MMAA: variants seen among roughly 807,000 people sequenced by gnomAD.
MMAA encodes the protein metabolism of cobalamin associated A.
MMAA carries 41 observed loss-of-function variants against 45.0 expected under a neutral mutation model. That is an observed-to-expected ratio of 0.91 (90% CI 0.71 to 1.18). The LOEUF (loss-of-function observed/expected upper bound fraction) is 1.18. MMAA is among the 50% of genes most tolerant of loss of function. The pLI, the probability that MMAA is intolerant of heterozygous loss-of-function variation, is 0.00. For missense variants in MMAA, 460 were observed against 495.7 expected (o/e 0.93, Z 0.68); for synonymous variants, 154 against 178.2 (o/e 0.86, Z 1.08).
intron 4 of MMAA, among the ~76,000 whole-genome samples, chr4:145,648,588 G>A (rs933117666): frequency 6.6e-6 from 1 of 152,198 alleles, no homozygotes; most frequent in Non-Finnish European, 1.5e-5. Context: ...CAAAGGAGAA[G>A]AGCACCTTAA....
intron 4 of MMAA, chr4:145,650,395 A>G (rs1365515927): frequency 6.5e-6 from 1 of 153,292 alleles, no homozygotes; most frequent in African/African-American, 2.4e-5. Context: ...GAGAGGGAGA[A>G]GCCTAGGAAG....
At position 145,654,049 on chromosome 4, in the gene MMAA, A is replaced by T. The variant is rs1553959025; in HGVS notation, c.875A>T (p.Asp292Val). The change falls in exon 6 of 7, where the codon GAT becomes GTT. Residue 292 changes from aspartate (D) to valine (V), a missense_variant. Coordinates refer to ENST00000649156, the MANE Select transcript of MMAA (RefSeq NM_172250.3). ...MADLVAVTKS[D>V]GDLIVPARRI... is the part of the protein sequence containing the mutation. ...GATCTGGTAGCTGTAACTAAATCTG[A>T]TGGAGACTTGATTGTGCCAGCTCGA... 2 of 1,614,138 alleles carry T rather than the reference A, an allele frequency of 1.2e-6. No individual in the cohort carries two copies. The highest frequency in any genetic ancestry group is 1.7e-6 in the Non-Finnish European group (2 of 1,180,002).
intron 2 of MMAA, 42 bp downstream of exon 2, chr4:145,639,620 A>C (rs1727727573): frequency 6.3e-7 from 1 of 1,581,650 alleles, no homozygotes; most frequent in Admixed American, 1.8e-5. Flanking sequence ...TATTTTTACA[A>C]ATTCTCTGTA....
intron 1 of MMAA, among the ~76,000 whole-genome samples, chr4:145,634,040 A>G (rs1727541195): frequency 6.6e-6 from 1 of 152,224 alleles, no homozygotes; most frequent in Admixed American, 6.5e-5. Flanking sequence ...GGGTTTCACC[A>G]AAGGCCCACT....
At chr4:145,630,635 G>A (rs1241186928) in intron 1 of MMAA, among the ~76,000 whole-genome samples, 2 of 152,178 alleles carry the variant, frequency 1.3e-5, no homozygotes, top group Non-Finnish European at 2.9e-5. Context: ...GGCTGAGGCA[G>A]GAGAATCGCT....
chr4:145,635,315 G>T (rs1285862736), intron 1 of MMAA, among the ~76,000 whole-genome samples: 1 of 152,140 alleles, frequency 6.6e-6, no homozygotes, highest in Non-Finnish European at 1.5e-5. Context: ...TCTGTGTGTG[G>T]TGCCAGCTGA....
intron 3 of MMAA, chr4:145,642,959 C>T (rs1380568780): frequency 9.5e-6 from 2 of 210,468 alleles, no homozygotes; most frequent in Non-Finnish European, 1.9e-5. Flanking sequence ...TTCAGTTAAA[C>T]AGAAAGCTCT....
intron 1 of MMAA, among the ~76,000 whole-genome samples, chr4:145,638,395 C>T (rs1426720004): frequency 2.6e-5 from 4 of 152,152 alleles, no homozygotes; most frequent in African/African-American, 9.7e-5. Context: ...TATCTAATTT[C>T]GTAGTGGTTC....
chr4:145,643,684 T>C (rs1400291980), intron 3 of MMAA, among the ~76,000 whole-genome samples: 2 of 152,198 alleles, frequency 1.3e-5, no homozygotes, highest in Admixed American at 1.3e-4. Context: ...CATGTCAATA[T>C]GTTGTCTCAT....
chr4:145,645,212 T>C (rs937335593), intron 3 of MMAA, among the ~76,000 whole-genome samples: 2 of 152,060 alleles, frequency 1.3e-5, no homozygotes, highest in African/African-American at 4.8e-5. Context: ...CTCATGGAGA[T>C]AATAGAAAGG....
chr4:145,640,742 G>A (rs377208900), intron 2 of MMAA, among the ~76,000 whole-genome samples: 7 of 152,134 alleles, frequency 4.6e-5, no homozygotes, highest in African/African-American at 1.4e-4. Flanking sequence ...ATTTGACTTG[G>A]TTCTGAAATT....
intron 5 of MMAA, among the ~76,000 whole-genome samples, chr4:145,652,513 G>A (rs1397796506): frequency 6.6e-6 from 1 of 152,070 alleles, no homozygotes; most frequent in Non-Finnish European, 1.5e-5. Context: ...CGGATCACGA[G>A]GTCAGGAGAT....
At chr4:145,635,676 C>T (rs1179575290) in intron 1 of MMAA, among the ~76,000 whole-genome samples, 1 of 152,152 alleles carries the variant, frequency 6.6e-6, no homozygotes, top group Non-Finnish European at 1.5e-5. Context: ...TTAAATAGTT[C>T]TAATTTGCTC....
chr4:145,626,165 C>A, intron 1 of MMAA: 1 of 478,070 alleles, frequency 2.1e-6, no homozygotes, highest in East Asian at 3.1e-5. Context: ...TCTTTGATTT[C>A]TTCCCATGAG....
At chr4:145,638,563 C>T (rs1465372780) in intron 1 of MMAA, among the ~76,000 whole-genome samples, 1 of 152,202 alleles carries the variant, frequency 6.6e-6, no homozygotes, top group Non-Finnish European at 1.5e-5. Context: ...TTGCATACAT[C>T]TGTGTTCAAG....
chr4:145,623,338 G>C (rs528670959), intron 1 of MMAA, among the ~76,000 whole-genome samples: 23 of 152,282 alleles, frequency 1.5e-4, no homozygotes, highest in Non-Finnish European at 3.1e-4. Context: ...CATGTCTTTT[G>C]CCTATTTGCT....
chr4:145,654,680 A>C (rs1277216849), intron 6 of MMAA, among the ~76,000 whole-genome samples: 1 of 152,162 alleles, frequency 6.6e-6, no homozygotes, highest in Non-Finnish European at 1.5e-5. Context: ...GTCTGCATTG[A>C]GTCTGGATTC....
Position 145,652,657 on chromosome 4 carries a change from G to C in MMAA, c.820-1337G>C, listed in dbSNP as rs982055257. The stretch of plus-strand genomic sequence containing the variant: ...AGGCAGGAGAATGGCTTGAACCCGG[G>C]AGGCAGAGTTTGCAGTGAGCCAAGA... On this transcript the variant is annotated intron_variant, in intron 5 of 6. Transcript: ENST00000649156. 1.8e-4 allele frequency among the ~76,000 whole-genome samples: 28 copies of C among 151,868 alleles called. 1 individual carries two copies. Among genetic ancestry groups the C allele is most frequent in the Middle Eastern group, 3.2e-3 (1 of 316 alleles).
Position 145,659,124 on chromosome 4 carries a change from A to G in MMAA, c.*3690A>G, listed in dbSNP as rs952345784. ...TCCTTTAAAAGGAACAATCAGAAAA[A>G]CTCTTTAACAAATGTTTTTCTTTCC... is the stretch of plus-strand genomic sequence containing the variant. On this transcript the variant is annotated 3_prime_UTR_variant, in exon 7 of 7. Coordinates refer to ENST00000649156, the MANE Select transcript of MMAA (RefSeq NM_172250.3). 6.6e-6 allele frequency: 1 copy of G among 151,548 alleles called. No individual in the cohort carries two copies. The highest frequency in any genetic ancestry group is 1.5e-5 in the Non-Finnish European group (1 of 67,882). 9.4% of individuals were successfully genotyped at this position (151,548 alleles called of 1,614,324 possible). A position where few individuals can be genotyped will look rare whatever the true frequency, so the allele number is the denominator to read the frequency against.
Sources: gnomAD v4.1 joint callset for allele counts (sites outside exome capture counted in the v4.1 genomes callset) on GRCh38, gnomAD v4.1.1 for gene constraint, MANE v1.5 for transcripts, NCBI Gene and HGNC (gene_info 2026-07-23, HGNC 2026-07-21) for gene names.